The following DIP2B variants were observed in gnomAD, a reference collection of about 807,000 sequenced individuals.
DIP2B encodes the protein disco-interacting protein 2 homolog B.
A neutral mutation model predicts 198.0 loss-of-function variants in DIP2B; 76 were observed. That is an observed-to-expected ratio of 0.38 (90% CI 0.32 to 0.46). DIP2B has a LOEUF of 0.46. Ranked by LOEUF, DIP2B falls within the 20% of genes least tolerant of loss-of-function variation. The pLI is 0.99. For synonymous variants in DIP2B, 701 were observed against 739.1 expected, an observed-to-expected ratio of 0.95 and a Z score of 0.84; for missense variants, 1,559 against 1,978.4, an observed-to-expected ratio of 0.79 and a Z score of 4.02.
chr12:50,645,678 C>T (rs1938337349), intron 3 of DIP2B, among the ~76,000 whole-genome samples: 2 of 151,934 alleles, frequency 1.3e-5, no homozygotes, highest in Admixed American at 6.6e-5. Flanking sequence ...ACGCTGGTGT[C>T]GAACTCCTGG....
chr12:50,552,173 C>A (rs1430731238), intron 1 of DIP2B, among the ~76,000 whole-genome samples: 1 of 151,978 alleles, frequency 6.6e-6, no homozygotes, highest in East Asian at 1.9e-4. Flanking sequence ...AGCATCTTTT[C>A]ATATGCTCAT....
intron 3 of DIP2B, 49 bp downstream of exon 3, chr12:50,640,901 G>A (rs770982637): frequency 6.3e-7 from 1 of 1,583,306 alleles, no homozygotes. Context: ...CCTAACAGTA[G>A]TATGAACTGT....
intron 1 of DIP2B, among the ~76,000 whole-genome samples, chr12:50,571,896 A>C (rs758983257): frequency 9.9e-5 from 15 of 152,166 alleles, no homozygotes; most frequent in Non-Finnish European, 1.8e-4. Flanking sequence ...TAACTTTAAC[A>C]TACAGCCAGG....
chr12:50,659,356 C>T (rs575436951), intron 3 of DIP2B, among the ~76,000 whole-genome samples: 13 of 151,992 alleles, frequency 8.6e-5, no homozygotes, highest in African/African-American at 2.9e-4. Flanking sequence ...CTTTACAGAG[C>T]GGTATGGAAG....
At chr12:50,694,466 G>C (rs1385895914) in intron 14 of DIP2B, among the ~76,000 whole-genome samples, 1 of 151,814 alleles carries the variant, frequency 6.6e-6, no homozygotes, top group Non-Finnish European at 1.5e-5. Context: ...CTGTACTCTA[G>C]CCTGGGCAAC....
chr12:50,583,491 G>C (rs1958743467), intron 1 of DIP2B, among the ~76,000 whole-genome samples: 1 of 152,146 alleles, frequency 6.6e-6, no homozygotes, highest in African/African-American at 2.4e-5. Context: ...GGTGCTGCTT[G>C]TCTCCCGGAG....
intron 20 of DIP2B, among the ~76,000 whole-genome samples, chr12:50,706,180 C>G (rs1251644916): frequency 6.6e-6 from 1 of 152,140 alleles, no homozygotes; most frequent in Non-Finnish European, 1.5e-5. Context: ...ATTTTTCTTC[C>G]TCTGTATCCT....
rs576828465 is a variant in DIP2B, at chr12:50,634,824, T to C, written c.173-5900T>C. On this transcript the variant is annotated intron_variant, in intron 2 of 37. Transcript: ENST00000301180. The stretch of plus-strand genomic sequence containing the variant: ...TATATAGTAGATGTTCTATAAATGT[T>C]TGCACAACTAAAAAGAAAGAGCATT... Among the ~76,000 whole-genome samples the C allele has an allele frequency of 2.0e-5, 3 of 152,340 alleles. No homozygotes were observed. In the East Asian group the frequency reaches 5.8e-4, roughly 29 times the overall value.
At chr12:50,623,854 C>T (rs1034053170) in intron 1 of DIP2B, among the ~76,000 whole-genome samples, 1 of 152,108 alleles carries the variant, frequency 6.6e-6, no homozygotes, top group Non-Finnish European at 1.5e-5. Flanking sequence ...CATCCCTGAC[C>T]TCTATCCCCT....
intron 2 of DIP2B, among the ~76,000 whole-genome samples, chr12:50,639,548 G>A (rs1277409606): frequency 6.6e-6 from 1 of 151,050 alleles, no homozygotes; most frequent in African/African-American, 2.4e-5. Flanking sequence ...TTACTGGGCT[G>A]TGTGGCACTG....
chr12:50,579,221 A>C (rs1314524017), intron 1 of DIP2B, among the ~76,000 whole-genome samples: 3 of 152,194 alleles, frequency 2.0e-5, no homozygotes, highest in Non-Finnish European at 4.4e-5. Context: ...TATTTTCTCA[A>C]AAATGAATGA....
At chr12:50,532,990 T>C (rs1958232091) in intron 1 of DIP2B, among the ~76,000 whole-genome samples, 2 of 152,250 alleles carry the variant, frequency 1.3e-5, no homozygotes, top group Admixed American at 6.5e-5. Flanking sequence ...AGGAAACTGC[T>C]TTCCCAACTT....
chr12:50,678,722 G>A lies in DIP2B; in HGVS notation c.960G>A (p.Gln320=), dbSNP rs752136993. The A allele has an allele frequency of 9.3e-6, 15 of 1,614,110 alleles. No homozygotes were observed. Among genetic ancestry groups the A allele is most frequent in the African/African-American group, 6.7e-5 (5 of 74,944 alleles). Residue 320 remains glutamine (Q), a synonymous_variant, in exon 8 of 38, where the codon CAG becomes CAA. Transcript: ENST00000301180. ...DPNQPKPEGR[Q]MTPVKGEPLG... is the part of the protein sequence containing the mutation. ...ACCAGCCCAAGCCGGAGGGACGGCAGATGACCCCTGTGAAAGGAGAGCCTT... is the reference window on the plus strand; with the variant it reads ...ACCAGCCCAAGCCGGAGGGACGGCAAATGACCCCTGTGAAAGGAGAGCCTT...
chr12:50,739,013 C>T lies in DIP2B; in HGVS notation c.4177-396C>T, dbSNP rs971868935. Reference sequence around the variant, plus strand: ...CACAGTTATCCCGGAAGCACAGAAACGATCCCTGATGTGTTCGTGGGACTC... The same window carrying T: ...CACAGTTATCCCGGAAGCACAGAAATGATCCCTGATGTGTTCGTGGGACTC... On this transcript the variant is annotated intron_variant, in intron 35 of 37. Transcript: ENST00000301180. 4.6e-5 allele frequency among the ~76,000 whole-genome samples: 7 copies of T among 152,322 alleles called. 1 individual carries two copies. Among genetic ancestry groups the T allele is most frequent in the Admixed American group, 1.3e-4 (2 of 15,304 alleles).
At chr12:50,621,027 A>T (rs1937802073) in intron 1 of DIP2B, among the ~76,000 whole-genome samples, 1 of 152,214 alleles carries the variant, frequency 6.6e-6, no homozygotes. Flanking sequence ...TCTCCATGGG[A>T]GGGGTCTGGG....
Position 50,674,982 on chromosome 12 carries a change from G to C in DIP2B, c.797-347G>C, listed in dbSNP as rs185256372. Among the ~76,000 whole-genome samples the C allele has an allele frequency of 2.0e-5, 3 of 152,304 alleles. No homozygotes were observed. The East Asian group carries it at 5.8e-4, about 29-fold the overall frequency. Reference sequence around the variant, plus strand: ...GATCGAGACCATCCTGGCTAACACAGTGAAACCCCATCTCTACTAAAAATA... The same window carrying C: ...GATCGAGACCATCCTGGCTAACACACTGAAACCCCATCTCTACTAAAAATA... On this transcript the variant is annotated intron_variant, in intron 6 of 37. Coordinates refer to ENST00000301180, the MANE Select transcript of DIP2B (RefSeq NM_173602.3).
intron 21 of DIP2B, among the ~76,000 whole-genome samples, chr12:50,707,886 C>T (rs544425747): frequency 7.9e-5 from 12 of 152,258 alleles, no homozygotes; most frequent in Non-Finnish European, 1.3e-4. Flanking sequence ...CTCTCCCTCC[C>T]GGTCTCTGCT....
At chr12:50,597,969 G>A (rs965992746) in intron 1 of DIP2B, among the ~76,000 whole-genome samples, 3 of 152,134 alleles carry the variant, frequency 2.0e-5, no homozygotes, top group African/African-American at 7.2e-5. Flanking sequence ...AAGTGAGCAC[G>A]CTTGCTGAAC....
chr12:50,656,932 A>G (rs1938564547), intron 3 of DIP2B: 1 of 152,178 alleles, frequency 6.6e-6, no homozygotes, highest in African/African-American at 2.4e-5. Flanking sequence ...GTAGAGCTAT[A>G]AAATTATCAT....
Sources: gnomAD v4.1 joint callset for allele counts (sites outside exome capture counted in the v4.1 genomes callset) on GRCh38, gnomAD v4.1.1 for gene constraint, MANE v1.5 for transcripts, NCBI Gene and HGNC (gene_info 2026-07-23, HGNC 2026-07-21) for gene names.